Variants in EGFLAM observed in about 807,000 individuals in gnomAD.
EGFLAM encodes the protein EGF like, fibronectin type III and laminin G domains, also known as pikachurin.
EGFLAM carries 79 observed loss-of-function variants against 113.1 expected under a neutral mutation model. That is an observed-to-expected ratio of 0.70 (90% CI 0.58 to 0.84). EGFLAM has a LOEUF of 0.84. EGFLAM is among the 40% of genes least tolerant of loss of function. The probability of loss-of-function intolerance (pLI) is 0.00; values close to 1 mark genes in which losing one functional copy is unlikely to be tolerated. For missense variants in EGFLAM, 1,265 were observed against 1,291.6 expected (o/e 0.98, Z 0.32); for synonymous variants, 504 against 487.6 (o/e 1.03, Z -0.44).
At chr5:38,414,274 A>G (rs1554012822) in intron 11 of EGFLAM, among the ~76,000 whole-genome samples, 1 of 152,242 alleles carries the variant, frequency 6.6e-6, no homozygotes, top group Non-Finnish European at 1.5e-5. Context: ...AGCGAACTGC[A>G]TCAGTGCCAG....
chr5:38,425,507 A>C, intron 13 of EGFLAM, among the ~76,000 whole-genome samples: 1 of 152,194 alleles, frequency 6.6e-6, no homozygotes, highest in Middle Eastern at 3.4e-3. Context: ...AGCCCCATAC[A>C]TTTTTATGGG....
At chr5:38,386,793 C>T (rs1204340240) in intron 6 of EGFLAM, among the ~76,000 whole-genome samples, 2 of 152,274 alleles carry the variant, frequency 1.3e-5, no homozygotes, top group African/African-American at 4.8e-5. Context: ...GAGTGAGCCA[C>T]TGTGCCCAGC....
intron 1 of EGFLAM, among the ~76,000 whole-genome samples, chr5:38,295,312 C>T (rs1027459665): frequency 6.6e-6 from 1 of 152,100 alleles, no homozygotes; most frequent in African/African-American, 2.4e-5. Flanking sequence ...CTTTTTAATT[C>T]ACTTTTTATT....
At chr5:38,278,021 C>T (rs141034700) in intron 1 of EGFLAM, among the ~76,000 whole-genome samples, 3,012 of 133,328 alleles carry the variant, frequency 0.023, 98 homozygotes, top group African/African-American at 0.075. Context: ...ACATTCTTCA[C>T]AGAAATAGAA....
At chr5:38,261,379 G>A (rs959434017) in intron 1 of EGFLAM, among the ~76,000 whole-genome samples, 3 of 152,196 alleles carry the variant, frequency 2.0e-5, no homozygotes, top group Non-Finnish European at 4.4e-5. Context: ...ACTGTTCTAA[G>A]AACTGGATGC....
chr5:38,339,391 C>T (rs1319958522), intron 3 of EGFLAM, among the ~76,000 whole-genome samples: 11 of 152,172 alleles, frequency 7.2e-5, no homozygotes, highest in Admixed American at 7.2e-4. Flanking sequence ...TCTGCCACTA[C>T]TCCAGGCTAG....
At chr5:38,259,654 CTTT>C (rs1371763744) in intron 1 of EGFLAM, among the ~76,000 whole-genome samples, 1 of 152,146 alleles carries the variant, frequency 6.6e-6, no homozygotes, top group African/African-American at 2.4e-5. Flanking sequence ...ATTTTTATTA[CTTT>C]TTGCTGGGAC....
intron 10 of EGFLAM, among the ~76,000 whole-genome samples, chr5:38,412,127 G>C (rs1741500516): frequency 6.6e-6 from 1 of 152,170 alleles, no homozygotes; most frequent in Admixed American, 6.5e-5. Context: ...TTAAATACAG[G>C]GGGTACATGT....
At chr5:38,438,074 A>G (rs939200983) in intron 16 of EGFLAM, among the ~76,000 whole-genome samples, 1 of 149,184 alleles carries the variant, frequency 6.7e-6, no homozygotes, top group Non-Finnish European at 1.5e-5. Context: ...GTGAGCCAAG[A>G]TTGCACTACT....
intron 1 of EGFLAM, 28 bp downstream of exon 1, chr5:38,258,879 C>A: frequency 3.8e-6 from 6 of 1,596,042 alleles, no homozygotes; most frequent in Non-Finnish European, 5.1e-6. Context: ...CCAGAGCCAC[C>A]ACGCCCCGAG....
chr5:38,346,265 GTAA>G (rs1316457489), intron 3 of EGFLAM, among the ~76,000 whole-genome samples: 1 of 152,180 alleles, frequency 6.6e-6, no homozygotes, highest in South Asian at 2.1e-4. Flanking sequence ...TGGTCGTAAA[GTAA>G]TAATAATCTA....
intron 1 of EGFLAM, among the ~76,000 whole-genome samples, chr5:38,334,009 C>T (rs371757382): frequency 1.4e-4 from 21 of 147,666 alleles, no homozygotes; most frequent in African/African-American, 4.6e-4. Context: ...TTGCAACCTC[C>T]GCCTCCTGGG....
chr5:38,293,001 G>T (rs1036026419), intron 1 of EGFLAM, among the ~76,000 whole-genome samples: 2 of 152,200 alleles, frequency 1.3e-5, no homozygotes, highest in African/African-American at 4.8e-5. Context: ...TTTTCTGTTT[G>T]TTTGTTTTTA....
intron 1 of EGFLAM, among the ~76,000 whole-genome samples, chr5:38,273,088 A>T (rs1050113494): frequency 6.6e-6 from 1 of 152,194 alleles, no homozygotes; most frequent in Non-Finnish European, 1.5e-5. Flanking sequence ...TAACAATAAG[A>T]AAAGACACAT....
chr5:38,450,233 C>T (rs1378551055), intron 18 of EGFLAM, among the ~76,000 whole-genome samples: 8 of 152,170 alleles, frequency 5.3e-5, no homozygotes, highest in Non-Finnish European at 1.2e-4. Flanking sequence ...GGGAAGGAAC[C>T]TGAGCGAAAA....
chr5:38,426,731 T>TA (rs1410000528), intron 13 of EGFLAM, among the ~76,000 whole-genome samples: 1 of 152,138 alleles, frequency 6.6e-6, no homozygotes, highest in African/African-American at 2.4e-5. Flanking sequence ...TCTAGGGCCT[T>TA]AGAGTCCTCC....
chr5:38,385,990 T>A (rs1247782032), intron 6 of EGFLAM, among the ~76,000 whole-genome samples: 1 of 152,194 alleles, frequency 6.6e-6, no homozygotes, highest in African/African-American at 2.4e-5. Context: ...TAGTACTGAA[T>A]ACCACAAGCA....
At chr5:38,297,664 A>G (rs149718928) in intron 1 of EGFLAM, among the ~76,000 whole-genome samples, 2 of 152,346 alleles carry the variant, frequency 1.3e-5, no homozygotes, top group East Asian at 3.9e-4. Flanking sequence ...CCTCGGCAGC[A>G]ATTACCTGGT....
At chr5:38,445,443 C>A in intron 17 of EGFLAM, 2 of 1,378,132 alleles carry the variant, frequency 1.5e-6, no homozygotes, top group Non-Finnish European at 1.9e-6. Context: ...TTCAATAAGC[C>A]GAGAAGAGGT....
Sources: allele counts gnomAD v4.1 joint callset (sites outside exome capture counted in the v4.1 genomes callset), GRCh38; gene constraint gnomAD v4.1.1; transcripts MANE v1.5; gene names NCBI Gene and HGNC (gene_info 2026-07-23, HGNC 2026-07-21).